Variants in NBAS observed in about 807,000 individuals in gnomAD.
The protein encoded by NBAS is NAG/BC035112 fusion.
NBAS carries 219 observed loss-of-function variants against 302.5 expected under a neutral mutation model. The ratio of observed to expected loss-of-function variants is 0.72; its 90% confidence interval spans 0.65 to 0.81. The LOEUF (loss-of-function observed/expected upper bound fraction) is 0.81. Ranked by LOEUF, NBAS falls within the 30% of genes least tolerant of loss-of-function variation. NBAS has a pLI of 0.00. For missense variants in NBAS, 2,932 were observed against 2,841.6 expected, an observed-to-expected ratio of 1.03 and a Z score of -0.72; for synonymous variants, 1,118 against 1,021.6, an observed-to-expected ratio of 1.09 and a Z score of -1.80.
At chr2:15,234,012 AC>A (rs1667485156) in intron 46 of NBAS, among the ~76,000 whole-genome samples, 1 of 152,208 alleles carries the variant, frequency 6.6e-6, no homozygotes, top group South Asian at 2.1e-4. Context: ...CTACAAAGGC[AC>A]CCACATATCG....
chr2:15,457,348 G>A (rs1271691271), intron 21 of NBAS, among the ~76,000 whole-genome samples: 1 of 152,190 alleles, frequency 6.6e-6, no homozygotes, highest in African/African-American at 2.4e-5. Flanking sequence ...GAAACAGGCT[G>A]AGCCACTGAG....
intron 11 of NBAS, 27 bp downstream of exon 11, chr2:15,504,118 C>T: frequency 6.3e-7 from 1 of 1,593,076 alleles, no homozygotes; most frequent in South Asian, 1.1e-5. Context: ...TTGAGAAGCC[C>T]ACCATAGTTA....
chr2:14,896,534 G>T, the NBAS span, among the ~76,000 whole-genome samples: 276 of 152,072 alleles, frequency 1.8e-3, 1 homozygote, highest in African/African-American at 6.3e-3. Context: ...GATCCTAAGC[G>T]CAAGGAACCA....
At chr2:14,909,667 T>C in the NBAS span, among the ~76,000 whole-genome samples, 1 of 152,214 alleles carries the variant, frequency 6.6e-6, no homozygotes. Flanking sequence ...TTGTAAATGA[T>C]GCACCAGGGC....
chr2:14,910,706 G>C, the NBAS span, among the ~76,000 whole-genome samples: 1 of 152,290 alleles, frequency 6.6e-6, no homozygotes, highest in East Asian at 1.9e-4. Context: ...CTAAGAACTT[G>C]ATTTATAGTG....
intron 12 of NBAS, 45 bp from the exon 13 acceptor site, chr2:15,478,334 A>C: frequency 7.2e-7 from 1 of 1,396,590 alleles, no homozygotes; most frequent in Non-Finnish European, 1.0e-6. Context: ...ATGTAAGAAA[A>C]TTATAAGAAA....
chr2:14,876,926 A>G, the NBAS span, among the ~76,000 whole-genome samples: 1 of 152,186 alleles, frequency 6.6e-6, no homozygotes, highest in African/African-American at 2.4e-5. Context: ...CCTCATTGGA[A>G]TCAGGGAATC....
At chr2:15,559,521 T>C (rs1379552225) in intron 1 of NBAS, among the ~76,000 whole-genome samples, 1 of 152,180 alleles carries the variant, frequency 6.6e-6, no homozygotes. Flanking sequence ...ACAGTAAGTG[T>C]AGACAGATTT....
At chr2:14,815,576 T>G in the NBAS span, among the ~76,000 whole-genome samples, 3 of 152,364 alleles carry the variant, frequency 2.0e-5, no homozygotes, top group South Asian at 6.2e-4. Flanking sequence ...CTCTCTCTGT[T>G]TATTTGTCCT....
chr2:14,806,210 CAGGG>C, the NBAS span, among the ~76,000 whole-genome samples: 2 of 152,140 alleles, frequency 1.3e-5, no homozygotes, highest in East Asian at 3.9e-4. Flanking sequence ...ACTGCTGGTC[CAGGG>C]ACCATACTTT....
chr2:15,016,815 A>G, the NBAS span, among the ~76,000 whole-genome samples: 21 of 152,178 alleles, frequency 1.4e-4, no homozygotes, highest in Admixed American at 1.0e-3. Context: ...CCAGAAATCA[A>G]TCCGTGTATA....
At chr2:15,347,006 T>C (rs944194730) in intron 35 of NBAS, among the ~76,000 whole-genome samples, 6 of 151,866 alleles carry the variant, frequency 4.0e-5, no homozygotes, top group Admixed American at 6.6e-5. Flanking sequence ...TGTTGAGGGG[T>C]TGCGGGAGAG....
At chr2:15,305,927 T>TA (rs1442952843) in intron 40 of NBAS, among the ~76,000 whole-genome samples, 2 of 152,320 alleles carry the variant, frequency 1.3e-5, no homozygotes, top group Admixed American at 6.5e-5. Context: ...GACATCCACT[T>TA]AGAGACCTCA....
chr2:14,963,226 A>G, the NBAS span, among the ~76,000 whole-genome samples: 1 of 151,992 alleles, frequency 6.6e-6, no homozygotes, highest in Admixed American at 6.5e-5. Context: ...CAAGATCGCG[A>G]CCCAGCACTC....
chr2:15,206,475 T>C (rs574656790), intron 48 of NBAS, among the ~76,000 whole-genome samples: 3 of 151,762 alleles, frequency 2.0e-5, no homozygotes, highest in African/African-American at 7.2e-5. Flanking sequence ...CTGCAGAAAC[T>C]TGCATAAGTA....
the NBAS span, among the ~76,000 whole-genome samples, chr2:15,028,788 C>T: frequency 6.6e-6 from 1 of 152,214 alleles, no homozygotes; most frequent in African/African-American, 2.4e-5. Context: ...TCCCCAATCT[C>T]AGTTTTAAAG....
the NBAS span, among the ~76,000 whole-genome samples, chr2:14,883,644 A>G: frequency 6.6e-6 from 1 of 152,178 alleles, no homozygotes; most frequent in Non-Finnish European, 1.5e-5. Flanking sequence ...TGCTGAATTG[A>G]TCAACCTCTC....
At chr2:15,523,410 T>A (rs939077433) in intron 9 of NBAS, among the ~76,000 whole-genome samples, 18 of 152,182 alleles carry the variant, frequency 1.2e-4, no homozygotes, top group South Asian at 4.1e-4. Context: ...CAATACAGTA[T>A]GACAACTATT....
intron 48 of NBAS, among the ~76,000 whole-genome samples, chr2:15,207,791 C>A (rs756838618): frequency 2.0e-5 from 3 of 152,162 alleles, no homozygotes; most frequent in Non-Finnish European, 2.9e-5. Flanking sequence ...TGGGGCCTCC[C>A]AAGCCATGCA....
Sources: allele counts gnomAD v4.1 joint callset (sites outside exome capture counted in the v4.1 genomes callset), GRCh38; gene constraint gnomAD v4.1.1; transcripts MANE v1.5; gene names NCBI Gene and HGNC (gene_info 2026-07-23, HGNC 2026-07-21).